The following IL17B variants were observed in gnomAD, a reference collection of about 807,000 sequenced individuals.
IL17B encodes interleukin 17B, also known as interleukin-17B.
Under a neutral mutation model 14.7 loss-of-function variants are expected in IL17B, and 14 were observed. The ratio of observed to expected loss-of-function variants is 0.95; its 90% CI spans 0.63 to 1.49. The LOEUF (loss-of-function observed/expected upper bound fraction) is 1.49. Ranked by LOEUF, IL17B falls within the 40% of genes most tolerant of loss-of-function variation. The pLI, the probability that IL17B is intolerant of heterozygous loss-of-function variation, is 0.00. For missense variants in IL17B, 233 were observed against 252.8 expected (o/e 0.92, Z 0.53); for synonymous variants, 105 against 94.8 (o/e 1.11, Z -0.62).
At chr5:149,379,082 C>G in intron 1 of IL17B, 123 bp downstream of exon 1, 1 of 1,170,270 alleles carries the variant, frequency 8.5e-7, no homozygotes, top group Non-Finnish European at 1.3e-6. Flanking sequence ...GGGGAGAAGA[C>G]AGAGAAGTTG....
rs776656403 is a variant in IL17B, at chr5:149,374,982, A to G, written c.312-382T>C. ...CTGTCACCCAGGGTGGAAGTGGCCC[A>G]GTCACAGCTTACTGCAGCATCAGCC... On this transcript the variant is annotated intron_variant, in intron 2 of 2. Transcript: ENST00000261796. This position sits in a 1 kb window ranked among gnomAD's most constrained non-coding sequence, Gnocchi z 5.0. The G allele has an allele frequency of 9.7e-5, 17 of 175,896 alleles. No individual in the cohort carries two copies. Among genetic ancestry groups the G allele is most frequent in the Non-Finnish European group, 1.9e-4 (16 of 83,678 alleles). 10.9% of individuals were successfully genotyped at this position (175,896 alleles called of 1,614,324 possible).
intron 1 of IL17B, among the ~76,000 whole-genome samples, chr5:149,403,088 G>C (rs1367802736): frequency 6.7e-6 from 1 of 148,414 alleles, no homozygotes. Context: ...GTTTTGTTTT[G>C]TTTTGTTTTG....
intron 1 of IL17B, among the ~76,000 whole-genome samples, chr5:149,378,807 C>T (rs376603284): frequency 7.0e-4 from 107 of 152,334 alleles, no homozygotes; most frequent in African/African-American, 2.5e-3. Flanking sequence ...GCTCTCCACT[C>T]GGAGAAACGT....
intron 1 of IL17B, among the ~76,000 whole-genome samples, chr5:149,387,459 G>A (rs1758848733): frequency 6.6e-6 from 1 of 152,210 alleles, no homozygotes; most frequent in African/African-American, 2.4e-5. Flanking sequence ...TACCCCTGAA[G>A]CACTCTACAA....
At chr5:149,382,894 T>C (rs1758734201), upstream of IL17B, among the ~76,000 whole-genome samples, 1 of 152,214 alleles carries the variant, frequency 6.6e-6, no homozygotes, top group Non-Finnish European at 1.5e-5. Flanking sequence ...AACTAAAATA[T>C]TGATACATTG....
chr5:149,383,989 T>C (rs1298301622), upstream of IL17B, among the ~76,000 whole-genome samples: 6 of 152,200 alleles, frequency 3.9e-5, no homozygotes, highest in African/African-American at 1.4e-4. Context: ...AGTCTCTTGT[T>C]AGCACTCACC....
At chr5:149,393,053 A>G (rs2127621600) in intron 1 of IL17B, among the ~76,000 whole-genome samples, 1 of 151,478 alleles carries the variant, frequency 6.6e-6, no homozygotes, top group Non-Finnish European at 1.5e-5. Flanking sequence ...GTGTGTGCGC[A>G]TGTGTGTCTG....
At chr5:149,399,867 T>C (rs1759173395) in intron 1 of IL17B, among the ~76,000 whole-genome samples, 1 of 152,204 alleles carries the variant, frequency 6.6e-6, no homozygotes, top group Non-Finnish European at 1.5e-5. Context: ...GGTCAGGGGT[T>C]TGGTGGATTG....
At chr5:149,385,842 C>CA (rs1239440569) in intron 1 of IL17B, among the ~76,000 whole-genome samples, 1 of 152,106 alleles carries the variant, frequency 6.6e-6, no homozygotes, top group Non-Finnish European at 1.5e-5. Context: ...GGGTACAGAA[C>CA]AAAAAAAGTC....
rs528713166 is a variant in IL17B, at chr5:149,385,421, G to A, written n.96-8396C>T. Among the ~76,000 whole-genome samples, 3 of 152,316 alleles carry A rather than the reference G, an allele frequency of 2.0e-5. No individual in the cohort carries two copies. In the South Asian group the frequency reaches 6.2e-4, roughly 32 times the overall value. ...AGCCTCCCAAAGTGCTGGCATTACAGGCGTGAGCCACCGTACGCGGCCAGT... is the reference window on the plus strand; with the variant it reads ...AGCCTCCCAAAGTGCTGGCATTACAAGCGTGAGCCACCGTACGCGGCCAGT... On this transcript the variant is annotated intron_variant and non_coding_transcript_variant, in intron 1 of 2. Transcript: ENST00000505432.
rs1758485467 is a variant in IL17B at position 149,374,945 on chromosome 5, C to T, written c.312-345G>A. 1 of 206,596 alleles carries T rather than the reference C, an allele frequency of 4.8e-6. No individual in the cohort carries two copies. The highest frequency in any genetic ancestry group is 1.6e-3 in the Middle Eastern group (1 of 622). The allele number at this position is 206,596 out of a possible 1,614,324, so 12.8% of individuals were successfully genotyped here. A position where few individuals can be genotyped will look rare whatever the true frequency, so the allele number is the denominator to read the frequency against. ...CCTCATGTGTTTCCTTTATTTGAGA[C>T]AGGGTCTCACTCTGTCACCCAGGGT... On this transcript the variant is annotated intron_variant, in intron 2 of 2. Transcript: ENST00000261796. This position sits in a 1 kb window ranked among gnomAD's most constrained non-coding sequence, Gnocchi z 5.0.
chr5:149,378,069 G>C (rs927386969), intron 1 of IL17B, among the ~76,000 whole-genome samples: 1 of 151,506 alleles, frequency 6.6e-6, no homozygotes, highest in Non-Finnish European at 1.5e-5. Flanking sequence ...GCCTGAACCC[G>C]GGAGGCGGAG....
upstream of IL17B, among the ~76,000 whole-genome samples, chr5:149,379,845 A>G (rs1758645667): frequency 6.6e-6 from 1 of 152,194 alleles, no homozygotes; most frequent in African/African-American, 2.4e-5. Context: ...GTCACTATTA[A>G]CAGTGAGTTA....
At chr5:149,399,027 C>T (rs572519143) in intron 1 of IL17B, among the ~76,000 whole-genome samples, 33 of 152,202 alleles carry the variant, frequency 2.2e-4, no homozygotes, top group Admixed American at 5.9e-4. Flanking sequence ...GGGAAACTCC[C>T]GTTTTTAAAA....
At chr5:149,403,652 G>T (rs1249349860) in intron 1 of IL17B, among the ~76,000 whole-genome samples, 1 of 152,178 alleles carries the variant, frequency 6.6e-6, no homozygotes, top group African/African-American at 2.4e-5. Context: ...GTGAATTCAG[G>T]GTTGGAGATT....
In IL17B at chr5:149,374,447, C is replaced by T. The variant is rs745448406; in HGVS notation, c.465G>A (p.Pro155=). 20 of 1,610,472 alleles carry T rather than the reference C, an allele frequency of 1.2e-5. No homozygotes were observed. The highest frequency in any genetic ancestry group is 1.7e-4 in the Middle Eastern group (1 of 6,060). Residue 155 remains proline, a synonymous_variant, in exon 3 of 3, where the codon CCG becomes CCA. Coordinates refer to ENST00000261796, the MANE Select transcript of IL17B (RefSeq NM_014443.3). The surrounding 1 kb of genome is among the most constrained non-coding windows in gnomAD (Gnocchi z 5.0). ...SQVPVRRRLC[P]PPPRTGPCRQ... ...GGCAAGGCCCTGTGCGGGGCGGTGG[C>T]GGGCAGAGGCGGCGGCGCACAGGAA...
Position 149,376,807 on chromosome 5 carries a change from G to A in IL17B, c.240C>T (p.Ala80=), listed in dbSNP as rs1758553994. The A allele has an allele frequency of 6.2e-7, 1 of 1,613,954 alleles. No homozygotes were observed. Among genetic ancestry groups the A allele is most frequent in the Non-Finnish European group, 8.5e-7 (1 of 1,179,862 alleles). ...GCAAGTTGACCTCACACTTTCTCTG[G>A]GCCAGCTCTGAGCTGTTCCTCAGCT... The part of the protein sequence containing the change: ...VAQLRNSSEL[A]QRKCEVNLQL... The change falls in exon 2 of 3, where the codon GCC becomes GCT. Residue 80 remains alanine, a synonymous_variant. Coordinates refer to ENST00000261796, the MANE Select transcript of IL17B (RefSeq NM_014443.3).
intron 1 of IL17B, among the ~76,000 whole-genome samples, chr5:149,399,296 G>A (rs144033656): frequency 3.3e-4 from 50 of 152,280 alleles, no homozygotes; most frequent in African/African-American, 1.2e-3. Context: ...CAGCCACACA[G>A]CAAGTTAGTG....
At chr5:149,381,918 C>T (rs1329065660), upstream of IL17B, among the ~76,000 whole-genome samples, 1 of 152,156 alleles carries the variant, frequency 6.6e-6, no homozygotes, top group African/African-American at 2.4e-5. Flanking sequence ...GTCCTTGGGT[C>T]TTAACACGCA....
Sources: gnomAD v4.1 joint callset for allele counts (sites outside exome capture counted in the v4.1 genomes callset) on GRCh38, gnomAD v4.1.1 for gene constraint, Gnocchi (gnomAD v3.1) non-coding constraint, MANE v1.5 for transcripts, NCBI Gene and HGNC (gene_info 2026-07-23, HGNC 2026-07-21) for gene names.